Variants in DMD observed in about 807,000 individuals in gnomAD.
DMD encodes the protein dystrophin.
DMD carries 63 observed loss-of-function variants against 330.1 expected under a neutral mutation model. That is an observed-to-expected ratio of 0.19 (90% CI 0.16 to 0.24). The LOEUF is 0.24. Ranked by LOEUF, DMD falls within the 10% of genes least tolerant of loss-of-function variation. The pLI is 1.00. For missense variants in DMD, 3,344 were observed against 2,684.1 expected (o/e 1.25, Z -5.43); for synonymous variants, 1,223 against 959.8 (o/e 1.27, Z -5.07).
At chrX:33,288,000 C>A (rs111440885) in intron 1 of DMD, among the ~76,000 whole-genome samples, 2 of 111,692 alleles carry the variant, frequency 1.8e-5, no homozygotes, top group African/African-American at 6.5e-5. Context: ...AGTGAAAGAG[C>A]CTCCTCGAGG....
intron 2 of DMD, among the ~76,000 whole-genome samples, chrX:33,018,201 G>A (rs1273858595): frequency 9.0e-6 from 1 of 111,487 alleles, no homozygotes; most frequent in Non-Finnish European, 1.9e-5. Flanking sequence ...TGACACCTAG[G>A]ATATGCTTGA....
At chrX:33,286,361 T>C (rs914772916) in intron 1 of DMD, among the ~76,000 whole-genome samples, 1 of 111,991 alleles carries the variant, frequency 8.9e-6, no homozygotes, top group Non-Finnish European at 1.9e-5. Flanking sequence ...TTGAGAAAGG[T>C]AAAATTAGAG....
At chrX:33,232,102 A>T (rs761337640) in intron 1 of DMD, among the ~76,000 whole-genome samples, 104 of 112,295 alleles carry the variant, frequency 9.3e-4, no homozygotes, top group African/African-American at 3.2e-3. Context: ...TGGTGAAATT[A>T]TCCTTCAAAA....
chrX:32,090,484 C>T (rs2096467076), intron 44 of DMD, among the ~76,000 whole-genome samples: 1 of 111,542 alleles, frequency 9.0e-6, no homozygotes, highest in Non-Finnish European at 1.9e-5. Flanking sequence ...TCCCACCTTA[C>T]AGCTACTAGA....
chrX:32,336,091 CGT>C (rs752332681), intron 41 of DMD, among the ~76,000 whole-genome samples: 42 of 105,661 alleles, frequency 4.0e-4, no homozygotes, highest in African/African-American at 8.8e-4. Context: ...TTATATATAA[CGT>C]GTGTATACGT....
At chrX:31,899,545 A>T (rs2094394571) in intron 47 of DMD, among the ~76,000 whole-genome samples, 1 of 111,440 alleles carries the variant, frequency 9.0e-6, no homozygotes, top group South Asian at 3.7e-4. Context: ...GTAAATATCG[A>T]TACAACTATT....
At chrX:32,484,373 C>T (rs1207135098) in intron 21 of DMD, among the ~76,000 whole-genome samples, 1 of 112,028 alleles carries the variant, frequency 8.9e-6, no homozygotes, top group African/African-American at 3.2e-5. Context: ...CATGAATTTG[C>T]ATAATTGCTC....
chrX:32,725,741 T>C (rs1281305511), intron 7 of DMD, among the ~76,000 whole-genome samples: 3 of 110,344 alleles, frequency 2.7e-5, no homozygotes, highest in Non-Finnish European at 5.7e-5. Context: ...GGTACAAAAA[T>C]TCCTTAGAAA....
chrX:33,089,088 CAG>C (rs1418875082), intron 1 of DMD, among the ~76,000 whole-genome samples: 2 of 83,925 alleles, frequency 2.4e-5, no homozygotes, highest in East Asian at 6.8e-4. Context: ...TTTTTTGAGA[CAG>C]AGTCTTGCTC....
chrX:32,243,360 G>A (rs2097216643), intron 43 of DMD, among the ~76,000 whole-genome samples: 1 of 111,504 alleles, frequency 9.0e-6, no homozygotes, highest in Admixed American at 9.5e-5. Context: ...TAAAACCTAA[G>A]GAACAAACTC....
chrX:31,218,402 G>A (rs1316813476), intron 64 of DMD, among the ~76,000 whole-genome samples: 1 of 110,365 alleles, frequency 9.1e-6, no homozygotes, highest in African/African-American at 3.3e-5. Flanking sequence ...AAGAAAAAGA[G>A]GCAAGAAAAC....
chrX:32,674,731 A>T (rs1478790521), intron 9 of DMD, among the ~76,000 whole-genome samples: 2 of 111,215 alleles, frequency 1.8e-5, no homozygotes, highest in Non-Finnish European at 1.9e-5. Context: ...AACAAGGGAA[A>T]AGAGTTTCCA....
At chrX:32,394,926 A>AAAAAACAAAC (rs2098032713) in intron 30 of DMD, among the ~76,000 whole-genome samples, 1 of 101,392 alleles carries the variant, frequency 9.9e-6, no homozygotes, top group African/African-American at 3.5e-5. Context: ...CAAAAAAAAA[A>AAAAAACAAAC]AAAAAAAGAA....
intron 1 of DMD, among the ~76,000 whole-genome samples, chrX:33,081,961 GTT>G (rs766149450): frequency 0.045 from 4,428 of 98,878 alleles, 237 homozygotes; most frequent in African/African-American, 0.15. Flanking sequence ...GTGGAAAACA[GTT>G]TTTTTTTTTT....
intron 44 of DMD, among the ~76,000 whole-genome samples, chrX:32,115,034 T>C (rs758893236): frequency 8.9e-6 from 1 of 112,380 alleles, no homozygotes; most frequent in African/African-American, 3.2e-5. Context: ...GATTCTATCA[T>C]GAAGGACTTT....
At chrX:33,154,559 A>T (rs1156358036) in intron 1 of DMD, among the ~76,000 whole-genome samples, 3 of 111,674 alleles carry the variant, frequency 2.7e-5, no homozygotes, top group African/African-American at 9.8e-5. Context: ...TATACTATGG[A>T]ATATTTCACT....
chrX:32,608,662 G>A (rs1204809605), intron 12 of DMD, among the ~76,000 whole-genome samples: 4 of 110,160 alleles, frequency 3.6e-5, no homozygotes, highest in South Asian at 7.5e-4. Context: ...TGATGGAGAC[G>A]ATTTGGATAA....
At chrX:31,473,019 T>G (rs977530916) in intron 59 of DMD, among the ~76,000 whole-genome samples, 7 of 111,205 alleles carry the variant, frequency 6.3e-5, no homozygotes, top group Non-Finnish European at 1.3e-4. Flanking sequence ...AACAGTGAAA[T>G]ATTCCTGGCT....
intron 1 of DMD, among the ~76,000 whole-genome samples, chrX:33,323,957 T>C (rs2054051392): frequency 1.8e-5 from 2 of 111,649 alleles, no homozygotes; most frequent in Admixed American, 1.9e-4. Flanking sequence ...AGTCACGATG[T>C]AGCAAAATTG....
Sources: allele counts gnomAD v4.1 joint callset (sites outside exome capture counted in the v4.1 genomes callset), GRCh38; gene constraint gnomAD v4.1.1; transcripts MANE v1.5; gene names NCBI Gene and HGNC (gene_info 2026-07-23, HGNC 2026-07-21).